The following UBE2E2 variants were observed in gnomAD, a reference collection of about 807,000 sequenced individuals.
UBE2E2 encodes ubiquitin-conjugating enzyme E2 E2.
In UBE2E2, 6 loss-of-function variants were observed where a neutral mutation model predicts 24.7. The observed-to-expected ratio is 0.24, with a 90% CI of 0.13 to 0.48. The LOEUF is 0.48. Among genes scored for constraint, UBE2E2 ranks in the 20% least tolerant of loss-of-function variants. The pLI is 0.99. For missense variants in UBE2E2, 169 were observed against 245.0 expected, an observed-to-expected ratio of 0.69 and a Z score of 2.07; for synonymous variants, 104 against 83.6, an observed-to-expected ratio of 1.24 and a Z score of -1.33.
chr3:23,478,014 G>A (rs1699176856), intron 3 of UBE2E2, among the ~76,000 whole-genome samples: 1 of 152,192 alleles, frequency 6.6e-6, no homozygotes, highest in African/African-American at 2.4e-5. Flanking sequence ...CCAGGCATGT[G>A]GAACTGTGAG....
At chr3:23,571,630 C>A (rs928261468) in intron 5 of UBE2E2, among the ~76,000 whole-genome samples, 2 of 152,006 alleles carry the variant, frequency 1.3e-5, no homozygotes, top group Non-Finnish European at 2.9e-5. Flanking sequence ...TAGCAAGGAT[C>A]GTACAGACCG....
Position 23,353,566 on chromosome 3 carries a change from A to G in UBE2E2, c.227+136254A>G, listed in dbSNP as rs552124138. ...CAGGATACAAAATCAATGTACAAAA[A>G]TCACAAGCATTCTTATACACCAATA... On this transcript the variant is annotated intron_variant, in intron 3 of 5. Transcript: ENST00000396703. Among the ~76,000 whole-genome samples, 61 of 152,320 alleles carry G rather than the reference A, an allele frequency of 4.0e-4. No homozygotes were observed. In the East Asian group the frequency reaches 0.011, roughly 28 times the overall value.
chr3:23,451,905 A>T (rs1222707761), intron 3 of UBE2E2, among the ~76,000 whole-genome samples: 1 of 152,208 alleles, frequency 6.6e-6, no homozygotes, highest in Non-Finnish European at 1.5e-5. Context: ...CTTATCTCAT[A>T]AAGATAAATT....
At chr3:23,563,770 T>G (rs1695993655) in intron 5 of UBE2E2, among the ~76,000 whole-genome samples, 1 of 151,200 alleles carries the variant, frequency 6.6e-6, no homozygotes, top group African/African-American at 2.5e-5. Context: ...TAAATAAAAT[T>G]AAAAGGATCA....
chr3:23,213,704 G>A (rs1696390050), intron 2 of UBE2E2, among the ~76,000 whole-genome samples: 1 of 152,050 alleles, frequency 6.6e-6, no homozygotes, highest in Admixed American at 6.6e-5. Context: ...GTTTGACTTA[G>A]CAAGATAATA....
rs191563239 is a variant in UBE2E2, at chr3:23,399,783, A to G, written c.228-99825A>G. ...CTTTTCCTGCTCAACAATACTTTAC[A>G]TTATAATGTACTGTTTATCATTTGC... On this transcript the variant is annotated intron_variant, in intron 3 of 5. Transcript: ENST00000396703. 7.9e-5 allele frequency among the ~76,000 whole-genome samples: 12 copies of G among 152,330 alleles called. No individual in the cohort carries two copies. In the East Asian group the frequency reaches 1.9e-3, roughly 24 times the overall value.
intron 3 of UBE2E2, among the ~76,000 whole-genome samples, chr3:23,306,370 G>A (rs915862442): frequency 6.6e-6 from 1 of 152,146 alleles, no homozygotes; most frequent in Non-Finnish European, 1.5e-5. Flanking sequence ...CTCTCTAACA[G>A]TAGTTTAGTT....
chr3:23,516,851 T>C (rs1287746396), intron 4 of UBE2E2, among the ~76,000 whole-genome samples: 1 of 152,170 alleles, frequency 6.6e-6, no homozygotes, highest in Non-Finnish European at 1.5e-5. Context: ...ATCCATCTAA[T>C]TGTGGGACCT....
chr3:23,241,842 T>G (rs941526455), intron 3 of UBE2E2, among the ~76,000 whole-genome samples: 4 of 152,152 alleles, frequency 2.6e-5, no homozygotes, highest in African/African-American at 9.7e-5. Context: ...AACATAACAT[T>G]ATTACCACTC....
chr3:23,214,907 G>A (rs1450883345), intron 2 of UBE2E2, among the ~76,000 whole-genome samples: 1 of 151,684 alleles, frequency 6.6e-6, no homozygotes, highest in African/African-American at 2.4e-5. Flanking sequence ...TTGGTTTTCT[G>A]TACAACTCTT....
At chr3:23,489,354 TGTCAG>T (rs1158029605) in intron 3 of UBE2E2, among the ~76,000 whole-genome samples, 1 of 152,176 alleles carries the variant, frequency 6.6e-6, no homozygotes, top group Non-Finnish European at 1.5e-5. Context: ...TGGGAGACAG[TGTCAG>T]GTCATTAGGT....
Position 23,407,574 on chromosome 3 carries a change from C to G in UBE2E2, c.228-92034C>G, listed in dbSNP as rs1019862224. ...ATCCTTTATCTCCTCTGCGCCCCTC[C>G]CTCTACTTTTTATGGTTTGTATGTT... On this transcript the variant is annotated intron_variant, in intron 3 of 5. Transcript: ENST00000396703. The surrounding 1 kb of genome is among the most constrained non-coding windows in gnomAD (Gnocchi z 4.0). Among the ~76,000 whole-genome samples, 3 of 151,716 alleles carry G rather than the reference C, an allele frequency of 2.0e-5. No individual in the cohort carries two copies. Among genetic ancestry groups the G allele is most frequent in the African/African-American group, 7.3e-5 (3 of 41,284 alleles).
rs191036821 is a variant in UBE2E2 at position 23,250,507 on chromosome 3, A to T, written c.227+33195A>T. On this transcript the variant is annotated intron_variant, in intron 3 of 5. Coordinates refer to ENST00000396703, the MANE Select transcript of UBE2E2 (RefSeq NM_152653.4). ...GATCACCAGAAAACTATTTAGTCCT[A>T]TATTTTAGTATTGTTTCCTCATATT... 6.4e-4 allele frequency among the ~76,000 whole-genome samples: 98 copies of T among 152,292 alleles called. 4 individuals carry two copies. Among genetic ancestry groups the T allele is most frequent in the African/African-American group, 2.2e-3 (92 of 41,566 alleles).
At chr3:23,350,330 TCTC>T (rs1695704337) in intron 3 of UBE2E2, among the ~76,000 whole-genome samples, 1 of 152,006 alleles carries the variant, frequency 6.6e-6, no homozygotes, top group African/African-American at 2.4e-5. Flanking sequence ...GCAGAGCACC[TCTC>T]CTCCTCCAAA....
At chr3:23,448,410 G>A (rs376314684) in intron 3 of UBE2E2, among the ~76,000 whole-genome samples, 7 of 152,298 alleles carry the variant, frequency 4.6e-5, no homozygotes, top group South Asian at 4.1e-4. Context: ...ACAACTAGCA[G>A]CAGGTAAGCC....
intron 5 of UBE2E2, among the ~76,000 whole-genome samples, chr3:23,578,815 G>A (rs1205598830): frequency 2.6e-5 from 4 of 152,104 alleles, no homozygotes; most frequent in Non-Finnish European, 5.9e-5. Flanking sequence ...AATAACTAAT[G>A]GATGCTGGGA....
intron 3 of UBE2E2, among the ~76,000 whole-genome samples, chr3:23,271,702 A>G (rs911969261): frequency 2.0e-5 from 3 of 152,120 alleles, no homozygotes; most frequent in Admixed American, 6.5e-5. Context: ...CCAAGTCCTC[A>G]CTAGATTAAC....
chr3:23,490,554 T>C (rs957622689), intron 3 of UBE2E2, among the ~76,000 whole-genome samples: 4 of 152,172 alleles, frequency 2.6e-5, no homozygotes, highest in East Asian at 1.9e-4. Flanking sequence ...TTGCAAGGTA[T>C]CCACACATTG....
chr3:23,394,988 G>A (rs1460755809), intron 3 of UBE2E2, among the ~76,000 whole-genome samples: 2 of 152,148 alleles, frequency 1.3e-5, no homozygotes, highest in African/African-American at 4.8e-5. Context: ...AACCAGTGGG[G>A]AGGAAAAGCC....
Sources: allele counts gnomAD v4.1 joint callset (sites outside exome capture counted in the v4.1 genomes callset), GRCh38; gene constraint gnomAD v4.1.1; non-coding constraint Gnocchi (gnomAD v3.1); transcripts MANE v1.5; gene names NCBI Gene and HGNC (gene_info 2026-07-23, HGNC 2026-07-21).